The following MITF variants were observed in gnomAD, a reference collection of about 807,000 sequenced individuals.
MITF encodes the protein melanocyte inducing transcription factor.
MITF carries 17 observed loss-of-function variants against 60.5 expected under a neutral mutation model. That is an observed-to-expected ratio of 0.28 (90% CI 0.19 to 0.42). The LOEUF is 0.42. Among genes scored for constraint, MITF ranks in the 10% least tolerant of loss-of-function variants. The pLI is 1.00. For missense variants in MITF, 622 were observed against 683.5 expected (o/e 0.91, Z 1.00); for synonymous variants, 260 against 248.5 (o/e 1.05, Z -0.43).
chr3:69,965,780 G>T lies in MITF; in HGVS notation c.*532G>T, dbSNP rs542047049. ...TCTAGCTTTGTTTAGTCTTTATACTGCAAACTATTTAAAGAAATATGTATT... is the reference window on the plus strand; with the variant it reads ...TCTAGCTTTGTTTAGTCTTTATACTTCAAACTATTTAAAGAAATATGTATT... On this transcript the variant is annotated 3_prime_UTR_variant, in exon 10 of 10. Transcript: ENST00000352241. The T allele has an allele frequency of 6.5e-5, 15 of 229,716 alleles. No individual in the cohort carries two copies. The highest frequency in any genetic ancestry group is 3.3e-4 in the African/African-American group (15 of 44,856). 14.2% of individuals were successfully genotyped at this position (229,716 alleles called of 1,614,324 possible).
intron 1 of MITF, among the ~76,000 whole-genome samples, chr3:69,843,536 A>G (rs575728091): frequency 6.6e-6 from 1 of 152,214 alleles, no homozygotes; most frequent in East Asian, 1.9e-4. Flanking sequence ...TCTTTATTGT[A>G]TGGGGTGTCT....
Position 69,966,620 on chromosome 3 carries a change from A to G in MITF, c.*1372A>G, listed in dbSNP as rs533160783. 1.3e-5 allele frequency: 3 copies of G among 233,188 alleles called. No individual in the cohort carries two copies. In the South Asian group the frequency reaches 5.4e-4, roughly 42 times the overall value. 14.4% of individuals were successfully genotyped at this position (233,188 alleles called of 1,614,324 possible). ...GGGAAGTTACTGTTACTTGATAACA[A>G]TGTTTTAACAAGAAGCAATGTTATA... On this transcript the variant is annotated 3_prime_UTR_variant, in exon 10 of 10. Coordinates refer to ENST00000352241, the MANE Select transcript of MITF (RefSeq NM_001354604.2).
chr3:69,795,109 T>G (rs2106929354), intron 1 of MITF, among the ~76,000 whole-genome samples: 1 of 152,308 alleles, frequency 6.6e-6, no homozygotes, highest in African/African-American at 2.4e-5. Context: ...TTCTTTTGGG[T>G]AAATACCTGG....
At chr3:69,812,999 A>C (rs2063124767) in intron 1 of MITF, among the ~76,000 whole-genome samples, 2 of 152,188 alleles carry the variant, frequency 1.3e-5, no homozygotes, top group South Asian at 4.1e-4. Flanking sequence ...ATTAATGCCC[A>C]AATGTACACT....
At chr3:69,917,414 A>G (rs1348786632) in intron 2 of MITF, among the ~76,000 whole-genome samples, 1 of 124,754 alleles carries the variant, frequency 8.0e-6, no homozygotes, top group Non-Finnish European at 1.6e-5. Context: ...TTTAGCCCTT[A>G]AAGTCAGCCT....
At chr3:69,755,999 G>A (rs1198764170) in intron 1 of MITF, among the ~76,000 whole-genome samples, 1 of 152,176 alleles carries the variant, frequency 6.6e-6, no homozygotes, top group Non-Finnish European at 1.5e-5. Context: ...ACATTTCTCT[G>A]TGCAGGTGGT....
chr3:69,901,527 A>T (rs2064995616), intron 2 of MITF, among the ~76,000 whole-genome samples: 1 of 151,626 alleles, frequency 6.6e-6, no homozygotes, highest in African/African-American at 2.4e-5. Context: ...TTTCTTTAAG[A>T]TTTTGTTAGA....
chr3:69,908,721 T>C (rs889957157), intron 2 of MITF, among the ~76,000 whole-genome samples: 5 of 152,166 alleles, frequency 3.3e-5, no homozygotes, highest in African/African-American at 7.2e-5. Flanking sequence ...GAAGCTTCAG[T>C]GGTTTTTATA....
In MITF at chr3:69,792,889, A is replaced by G. The variant is rs146509705; in HGVS notation, c.104+53188A>G. On this transcript the variant is annotated intron_variant, in intron 1 of 9. Coordinates refer to ENST00000352241, the MANE Select transcript of MITF (RefSeq NM_001354604.2). Reference sequence around the variant, plus strand: ...ATTTTAATTACACATACATATTTTTAAAGCTTTACCCTGTATAATATTTGA... The same window carrying G: ...ATTTTAATTACACATACATATTTTTGAAGCTTTACCCTGTATAATATTTGA... Among the ~76,000 whole-genome samples, 133 of 152,052 alleles carry G rather than the reference A, an allele frequency of 8.7e-4. 1 individual carries two copies. The East Asian group carries it at 0.019, about 22-fold the overall frequency.
intron 6 of MITF, among the ~76,000 whole-genome samples, chr3:69,951,112 T>TTG (rs1553703941): frequency 3.3e-5 from 5 of 150,034 alleles, no homozygotes; most frequent in Non-Finnish European, 7.4e-5. Context: ...TTTTTTTTTT[T>TTG]TTTGAGACAG....
chr3:69,880,031 C>T (rs572820006), intron 2 of MITF, among the ~76,000 whole-genome samples: 3 of 152,246 alleles, frequency 2.0e-5, no homozygotes, highest in South Asian at 2.1e-4. Context: ...CCATCTCACA[C>T]GTGTCTTCCA....
At chr3:69,761,678 G>C (rs558410217) in intron 1 of MITF, among the ~76,000 whole-genome samples, 2 of 152,224 alleles carry the variant, frequency 1.3e-5, no homozygotes, top group Non-Finnish European at 2.9e-5. Context: ...CAGCATGCCT[G>C]TCTGCATAGT....
chr3:69,959,256 C>G lies in MITF; in HGVS notation c.1032-17C>G, dbSNP rs780891550. 1 of 1,613,658 alleles carries G rather than the reference C, an allele frequency of 6.2e-7. No homozygotes were observed. Among genetic ancestry groups the G allele is most frequent in the Admixed American group, 1.7e-5 (1 of 60,010 alleles). ...TCAAATCCTAAAAATATCTGTTTTCCTCCATTTTCATCGCAGAGACATGCG... is the reference window on the plus strand; with the variant it reads ...TCAAATCCTAAAAATATCTGTTTTCGTCCATTTTCATCGCAGAGACATGCG... On this transcript the variant is annotated splice_polypyrimidine_tract_variant and intron_variant, in intron 8 of 9. Transcript: ENST00000352241.
intron 1 of MITF, among the ~76,000 whole-genome samples, chr3:69,792,477 C>T (rs10510991): frequency 0.31 from 46,270 of 151,622 alleles, 8,407 homozygotes; most frequent in Non-Finnish European, 0.41. Flanking sequence ...AAAAGAATAA[C>T]GATAGTGTAT....
chr3:69,862,339 A>G (rs1161520408), intron 1 of MITF, among the ~76,000 whole-genome samples: 4 of 152,178 alleles, frequency 2.6e-5, no homozygotes, highest in Non-Finnish European at 1.5e-5. Flanking sequence ...TCCAAGACCA[A>G]GTAGATGCTT....
chr3:69,812,248 C>G (rs2063112945), intron 1 of MITF, among the ~76,000 whole-genome samples: 1 of 152,046 alleles, frequency 6.6e-6, no homozygotes, highest in African/African-American at 2.4e-5. Flanking sequence ...CTTGACTCTC[C>G]CAGGTTTGTC....
chr3:69,815,655 G>A (rs932326493), intron 1 of MITF, among the ~76,000 whole-genome samples: 1 of 152,160 alleles, frequency 6.6e-6, no homozygotes, highest in African/African-American at 2.4e-5. Flanking sequence ...ATTCCCCGTT[G>A]AGTAAGTTTT....
intron 7 of MITF, among the ~76,000 whole-genome samples, chr3:69,952,171 G>C (rs901761243): frequency 1.3e-5 from 2 of 151,750 alleles, no homozygotes; most frequent in African/African-American, 4.8e-5. Context: ...TTTTTGGTAA[G>C]AGGGAGAATT....
At chr3:69,856,267 A>C (rs1040229885) in intron 1 of MITF, among the ~76,000 whole-genome samples, 4 of 152,184 alleles carry the variant, frequency 2.6e-5, no homozygotes, top group Non-Finnish European at 5.9e-5. Context: ...TGCTTGCAAA[A>C]ACCACATGGA....
Sources: gnomAD v4.1 joint callset for allele counts (sites outside exome capture counted in the v4.1 genomes callset) on GRCh38, gnomAD v4.1.1 for gene constraint, MANE v1.5 for transcripts, NCBI Gene and HGNC (gene_info 2026-07-23, HGNC 2026-07-21) for gene names.